RBFOX1: variants seen among roughly 807,000 people sequenced by gnomAD.
RBFOX1 encodes RNA binding protein fox-1 homolog 1.
RBFOX1 carries 8 observed loss-of-function variants against 57.7 expected under a neutral mutation model. The ratio of observed to expected loss-of-function variants is 0.14; its 90% CI spans 0.08 to 0.25. RBFOX1 has a LOEUF of 0.25. RBFOX1 is among the 10% of genes least tolerant of loss of function. The pLI, the probability that RBFOX1 is intolerant of heterozygous loss-of-function variation, is 1.00. For synonymous variants in RBFOX1, 326 were observed against 222.4 expected, an observed-to-expected ratio of 1.47 and a Z score of -4.15; for missense variants, 611 against 548.5, an observed-to-expected ratio of 1.11 and a Z score of -1.14.
intron 3 of RBFOX1, among the ~76,000 whole-genome samples, chr16:6,925,279 G>A (rs2075355601): frequency 6.6e-6 from 1 of 150,772 alleles, no homozygotes; most frequent in African/African-American, 2.4e-5. Context: ...GATTACAGGT[G>A]CAAATCACCA....
intron 3 of RBFOX1, among the ~76,000 whole-genome samples, chr16:7,036,337 C>A (rs1243614964): frequency 6.6e-6 from 1 of 152,012 alleles, no homozygotes; most frequent in Non-Finnish European, 1.5e-5. Flanking sequence ...TTTTCACAAT[C>A]TTGGTTTTCT....
At chr16:7,647,616 C>T (rs1261671108) in intron 11 of RBFOX1, among the ~76,000 whole-genome samples, 1 of 151,808 alleles carries the variant, frequency 6.6e-6, no homozygotes, top group Non-Finnish European at 1.5e-5. Context: ...TCTTTTTCCC[C>T]TAACATTGTT....
chr16:6,546,421 C>A (rs149944041), intron 2 of RBFOX1, among the ~76,000 whole-genome samples: 1 of 152,222 alleles, frequency 6.6e-6, no homozygotes, highest in Non-Finnish European at 1.5e-5. Context: ...GTCAGGGTGT[C>A]AGCTGGGTCA....
intron 1 of RBFOX1, among the ~76,000 whole-genome samples, chr16:5,313,817 G>A (rs1005636402): frequency 2.0e-5 from 3 of 149,112 alleles, no homozygotes; most frequent in East Asian, 2.1e-4. Context: ...GGAATGGTGG[G>A]AATTACAATC....
chr16:7,122,806 A>G (rs1029565199), intron 4 of RBFOX1, among the ~76,000 whole-genome samples: 5 of 152,224 alleles, frequency 3.3e-5, no homozygotes, highest in Non-Finnish European at 5.9e-5. Context: ...GAAACAAGCC[A>G]TATGTCTTCA....
intron 3 of RBFOX1, among the ~76,000 whole-genome samples, chr16:5,753,493 T>A (rs1264436025): frequency 6.6e-6 from 1 of 152,194 alleles, no homozygotes; most frequent in Non-Finnish European, 1.5e-5. Flanking sequence ...CCTCTAAATA[T>A]GCGGCAACGG....
intron 2 of RBFOX1, among the ~76,000 whole-genome samples, chr16:6,609,570 C>G (rs146989251): frequency 7.8e-4 from 119 of 152,092 alleles, no homozygotes; most frequent in African/African-American, 2.5e-3. Flanking sequence ...TATGATTTTT[C>G]TAAAATCAAG....
At chr16:5,886,607 G>A (rs1411214694) in intron 4 of RBFOX1, among the ~76,000 whole-genome samples, 1 of 152,204 alleles carries the variant, frequency 6.6e-6, no homozygotes, top group Non-Finnish European at 1.5e-5. Context: ...CGTCTCTTTG[G>A]CTGGGCGCGG....
intron 3 of RBFOX1, among the ~76,000 whole-genome samples, chr16:6,942,416 C>T (rs2078708012): frequency 6.6e-6 from 1 of 152,120 alleles, no homozygotes; most frequent in Non-Finnish European, 1.5e-5. Context: ...CCGTCAGCCT[C>T]CCAAAATGCT....
At chr16:7,441,548 G>C (rs1176260331) in intron 4 of RBFOX1, among the ~76,000 whole-genome samples, 1 of 148,790 alleles carries the variant, frequency 6.7e-6, no homozygotes, top group East Asian at 2.0e-4. Context: ...TCACGTCAGG[G>C]CTTGTAAACC....
Position 6,303,778 on chromosome 16 carries a change from G to A in RBFOX1, c.-126-13217G>A, listed in dbSNP as rs957105300. On this transcript the variant is annotated intron_variant, in intron 1 of 15. Transcript: ENST00000550418. ...ATCATGAGGTCACGAGTTTGAGACC[G>A]GTCTGGCTAACATGGTGAAACCCTG... Among the ~76,000 whole-genome samples the A allele has an allele frequency of 9.3e-5, 14 of 150,478 alleles. 1 individual carries two copies. Among genetic ancestry groups the A allele is most frequent in the Middle Eastern group, 3.5e-3 (1 of 284 alleles).
intron 3 of RBFOX1, among the ~76,000 whole-genome samples, chr16:6,669,343 C>A (rs2098750562): frequency 6.6e-6 from 1 of 152,088 alleles, no homozygotes. Context: ...AGTTACAAGG[C>A]TTTTTGGGCA....
chr16:6,101,848 C>T (rs115458065), intron 1 of RBFOX1, among the ~76,000 whole-genome samples: 56 of 152,272 alleles, frequency 3.7e-4, no homozygotes, highest in African/African-American at 9.6e-4. Context: ...CCTCATCTGC[C>T]GGGGCAGCTG....
intron 4 of RBFOX1, among the ~76,000 whole-genome samples, chr16:7,103,605 A>G (rs1269452287): frequency 1.3e-5 from 2 of 152,200 alleles, no homozygotes; most frequent in East Asian, 1.9e-4. Flanking sequence ...ATTAGTTTGA[A>G]TGATTTCTCT....
chr16:7,124,838 ACT>A (rs2068083587), intron 4 of RBFOX1, among the ~76,000 whole-genome samples: 1 of 152,004 alleles, frequency 6.6e-6, no homozygotes, highest in East Asian at 1.9e-4. Flanking sequence ...CTACTGTATG[ACT>A]CTGATTCATA....
intron 3 of RBFOX1, among the ~76,000 whole-genome samples, chr16:6,989,947 A>C (rs549454585): frequency 6.6e-6 from 1 of 152,094 alleles, no homozygotes; most frequent in African/African-American, 2.4e-5. Context: ...GTTGCAGTGA[A>C]CTGAGACCGC....
At chr16:5,453,047 C>T (rs904232831) in intron 1 of RBFOX1, among the ~76,000 whole-genome samples, 1 of 152,206 alleles carries the variant, frequency 6.6e-6, no homozygotes, top group African/African-American at 2.4e-5. Flanking sequence ...GTTTACCTCT[C>T]TTACTTTGTC....
intron 4 of RBFOX1, among the ~76,000 whole-genome samples, chr16:7,390,334 T>G (rs1046023783): frequency 1.3e-5 from 2 of 152,064 alleles, no homozygotes; most frequent in Admixed American, 6.5e-5. Context: ...AGAGAATACA[T>G]TATAATAAGT....
chr16:6,203,430 T>C (rs1318664359), intron 1 of RBFOX1, among the ~76,000 whole-genome samples: 1 of 152,230 alleles, frequency 6.6e-6, no homozygotes, highest in Non-Finnish European at 1.5e-5. Context: ...ATTTACTTCC[T>C]TTTTAAGACT....
Sources: gnomAD v4.1 joint callset for allele counts (sites outside exome capture counted in the v4.1 genomes callset) on GRCh38, gnomAD v4.1.1 for gene constraint, MANE v1.5 for transcripts, NCBI Gene and HGNC (gene_info 2026-07-23, HGNC 2026-07-21) for gene names.